The following HMGA2 variants were observed in gnomAD, a reference collection of about 807,000 sequenced individuals.
HMGA2 encodes high mobility group protein HMGI-C.
HMGA2 carries 8 observed loss-of-function variants against 19.1 expected under a neutral mutation model. The observed-to-expected ratio is 0.42, with a 90% CI of 0.25 to 0.76. The LOEUF (loss-of-function observed/expected upper bound fraction) is 0.76. Among genes scored for constraint, HMGA2 ranks in the 30% least tolerant of loss-of-function variants. HMGA2 has a pLI of 0.28. For synonymous variants in HMGA2, 60 were observed against 48.8 expected (o/e 1.23, Z -0.96); for missense variants, 109 against 136.3 (o/e 0.80, Z 1.00).
intron 3 of HMGA2, among the ~76,000 whole-genome samples, chr12:65,926,997 A>G (rs2121255616): frequency 6.6e-6 from 1 of 152,316 alleles, no homozygotes; most frequent in South Asian, 2.1e-4. Context: ...AGGAGGGTAT[A>G]TCATTGGAGA....
intron 3 of HMGA2, among the ~76,000 whole-genome samples, chr12:65,886,363 C>T (rs974635089): frequency 1.4e-5 from 2 of 138,236 alleles, no homozygotes; most frequent in Admixed American, 7.3e-5. Context: ...CTTTTTCTCT[C>T]TTTTTTTTTT....
intron 3 of HMGA2, among the ~76,000 whole-genome samples, chr12:65,888,022 A>G (rs1451293270): frequency 6.6e-6 from 1 of 152,072 alleles, no homozygotes; most frequent in Non-Finnish European, 1.5e-5. Flanking sequence ...TCTCTCATAC[A>G]CACACACTCA....
At chr12:65,960,960 C>T (rs1464061013) in intron 4 of HMGA2, among the ~76,000 whole-genome samples, 1 of 152,162 alleles carries the variant, frequency 6.6e-6, no homozygotes, top group Admixed American at 6.5e-5. Context: ...CACATTCCAT[C>T]TAGTACAAGG....
intron 4 of HMGA2, chr12:65,951,655 A>T (rs1161049189): frequency 1.0e-5 from 4 of 391,416 alleles, no homozygotes; most frequent in Non-Finnish European, 1.4e-5. Context: ...TTCTTTTAAA[A>T]ATAAAACTAT....
chr12:65,922,871 T>G (rs567916795), intron 3 of HMGA2, among the ~76,000 whole-genome samples: 27 of 152,168 alleles, frequency 1.8e-4, no homozygotes, highest in Non-Finnish European at 3.5e-4. Flanking sequence ...TGAGATCTGA[T>G]AGGTTTTTCA....
intron 3 of HMGA2, among the ~76,000 whole-genome samples, chr12:65,862,715 CT>C (rs1872170473): frequency 1.3e-5 from 2 of 152,160 alleles, no homozygotes; most frequent in Non-Finnish European, 2.9e-5. Context: ...CACTCATGTA[CT>C]TAGTGTGTGT....
chr12:65,839,979 T>G (rs1044203304), intron 3 of HMGA2, among the ~76,000 whole-genome samples: 1 of 152,210 alleles, frequency 6.6e-6, no homozygotes, highest in Non-Finnish European at 1.5e-5. Context: ...TTGAGGGCAA[T>G]TAACACATAC....
In HMGA2 at chr12:65,936,659, CATCA is replaced by C. The variant is rs143858779; in HGVS notation, c.250-14723_250-14720del. Among the ~76,000 whole-genome samples the C allele has an allele frequency of 5.7e-3, 867 of 152,290 alleles. 10 individuals are homozygous for C. The highest frequency in any genetic ancestry group is 0.02 in the African/African-American group (839 of 41,542). ...CTGCTGCTACGGTGACTACTACTGCCATCACCGCCACCCTCCCTAGTGCTATTGA... is the reference window on the plus strand; with the variant it reads ...CTGCTGCTACGGTGACTACTACTGCCCCGCCACCCTCCCTAGTGCTATTGA... On this transcript the variant is annotated intron_variant, in intron 3 of 4. Coordinates refer to ENST00000403681, the MANE Select transcript of HMGA2 (RefSeq NM_003483.6).
intron 3 of HMGA2, among the ~76,000 whole-genome samples, chr12:65,893,430 T>A (rs1328657161): frequency 1.3e-5 from 2 of 152,240 alleles, no homozygotes; most frequent in Non-Finnish European, 2.9e-5. Flanking sequence ...TTTCTTTTTC[T>A]TCCTGAGGGT....
chr12:65,838,885 G>A (rs931173334), intron 3 of HMGA2, among the ~76,000 whole-genome samples: 2 of 152,026 alleles, frequency 1.3e-5, no homozygotes, highest in Admixed American at 1.3e-4. Context: ...TAAAGTTAAA[G>A]GGTATTATGA....
At chr12:65,912,653 C>T (rs1053176020) in intron 3 of HMGA2, among the ~76,000 whole-genome samples, 1 of 152,278 alleles carries the variant, frequency 6.6e-6, no homozygotes, top group African/African-American at 2.4e-5. Flanking sequence ...TGTTCACAGA[C>T]AGCCAACACT....
rs575220615 is a variant in HMGA2 at position 65,918,986 on chromosome 12, G to A, written c.250-32397G>A. ...AAAATGTTTCTGTAGGAGGGAAGGGGTACGGTTCTGATAAATCTCTCAGCA... is the reference window on the plus strand; with the variant it reads ...AAAATGTTTCTGTAGGAGGGAAGGGATACGGTTCTGATAAATCTCTCAGCA... On this transcript the variant is annotated intron_variant, in intron 3 of 4. Transcript: ENST00000403681. Among the ~76,000 whole-genome samples, 7 of 152,258 alleles carry A rather than the reference G, an allele frequency of 4.6e-5. No individual in the cohort carries two copies. In the South Asian group the frequency reaches 1.2e-3, roughly 27 times the overall value.
chr12:65,965,502 G>A lies in HMGA2; in HGVS notation c.*2210G>A, dbSNP rs1876882744. The A allele has an allele frequency of 9.6e-6, 2 of 208,094 alleles. No individual in the cohort carries two copies. Among genetic ancestry groups the A allele is most frequent in the Non-Finnish European group, 2.0e-5 (2 of 101,902 alleles). 12.9% of individuals were successfully genotyped at this position (208,094 alleles called of 1,614,324 possible). ...TCTCTCTTCCAGCTGCTTCAGGGAG[G>A]TAGTTTCAAAGGCCACATACCTCTC... On this transcript the variant is annotated 3_prime_UTR_variant, in exon 5 of 5. Coordinates refer to ENST00000403681, the MANE Select transcript of HMGA2 (RefSeq NM_003483.6).
At chr12:65,881,698 T>C in intron 3 of HMGA2, 1 of 700,892 alleles carries the variant, frequency 1.4e-6, no homozygotes, top group Non-Finnish European at 2.6e-6. Flanking sequence ...GAGAAATTGC[T>C]GAAGGAGAGC....
At chr12:65,912,079 T>C (rs1312758047) in intron 3 of HMGA2, among the ~76,000 whole-genome samples, 1 of 152,178 alleles carries the variant, frequency 6.6e-6, no homozygotes, top group Non-Finnish European at 1.5e-5. Context: ...TAACTATATC[T>C]TTCCACTAGT....
chr12:65,917,677 A>C (rs1391033093), intron 3 of HMGA2, among the ~76,000 whole-genome samples: 3 of 152,184 alleles, frequency 2.0e-5, no homozygotes, highest in African/African-American at 7.2e-5. Flanking sequence ...AGAAGGGGGA[A>C]GGAAAGAGCA....
chr12:65,929,564 C>T (rs1196095206), intron 3 of HMGA2, among the ~76,000 whole-genome samples: 1 of 151,506 alleles, frequency 6.6e-6, no homozygotes, highest in Non-Finnish European at 1.5e-5. Context: ...GAAGACCTAT[C>T]CCTAAACCCC....
chr12:65,838,605 A>C, intron 3 of HMGA2, 36 bp downstream of exon 3: 1 of 1,434,744 alleles, frequency 7.0e-7, no homozygotes, highest in South Asian at 1.2e-5. Flanking sequence ...TCTTTTTTTT[A>C]AAGAAAAATT....
At chr12:65,931,551 TTGTGTGTGTGTG>T (rs60877869) in intron 3 of HMGA2, among the ~76,000 whole-genome samples, 24 of 144,146 alleles carry the variant, frequency 1.7e-4, no homozygotes, top group East Asian at 1.0e-3. Context: ...TTATAGATGT[TTGTGTGTGTGTG>T]TGTGTGTGTG....
Sources: allele counts gnomAD v4.1 joint callset (sites outside exome capture counted in the v4.1 genomes callset), GRCh38; gene constraint gnomAD v4.1.1; transcripts MANE v1.5; gene names NCBI Gene and HGNC (gene_info 2026-07-23, HGNC 2026-07-21).